The following UPK1B variants were observed in gnomAD, a reference collection of about 807,000 sequenced individuals.
UPK1B encodes the protein uroplakin 1B.
UPK1B carries 28 observed loss-of-function variants against 34.2 expected under a neutral mutation model. The observed-to-expected ratio is 0.82, with a 90% confidence interval of 0.61 to 1.12. The LOEUF is 1.12. UPK1B is among the 50% of genes most tolerant of loss of function. The pLI, the probability that UPK1B is intolerant of heterozygous loss-of-function variation, is 0.00. For missense variants in UPK1B, 325 were observed against 320.9 expected (o/e 1.01, Z -0.10); for synonymous variants, 81 against 110.4 (o/e 0.73, Z 1.67).
intron 6 of UPK1B, 60 bp from the exon 7 acceptor site, chr3:119,198,997 C>CA: frequency 6.3e-7 from 1 of 1,583,502 alleles, no homozygotes; most frequent in Non-Finnish European, 8.7e-7. Context: ...GCTTTCCCAT[C>CA]AATCTCTTCT....
intron 6 of UPK1B, among the ~76,000 whole-genome samples, chr3:119,196,743 T>C (rs1376914774): frequency 2.0e-5 from 3 of 152,064 alleles, no homozygotes; most frequent in Non-Finnish European, 4.4e-5. Context: ...TTTCACCATG[T>C]TGGCCAGGAT....
Position 119,174,650 on chromosome 3 carries a change from G to A in UPK1B, c.-29+1012G>A, listed in dbSNP as rs116157120. On this transcript the variant is annotated intron_variant, in intron 1 of 7. Transcript: ENST00000264234. ...ATGTCTTCTTTTAATGAAAGACAACGTTTCTTGAACATTTCTTGCCTGAGT... is the reference window on the plus strand; with the variant it reads ...ATGTCTTCTTTTAATGAAAGACAACATTTCTTGAACATTTCTTGCCTGAGT... 8.9e-3 allele frequency among the ~76,000 whole-genome samples: 1,362 copies of A among 152,246 alleles called. 17 individuals carry two copies. The highest frequency in any genetic ancestry group is 0.058 in the Middle Eastern group (17 of 294).
intron 1 of UPK1B, among the ~76,000 whole-genome samples, chr3:119,183,178 C>A (rs938337718): frequency 6.6e-6 from 1 of 152,034 alleles, no homozygotes; most frequent in African/African-American, 2.4e-5. Context: ...AATGATCTGG[C>A]GCCAGGCAGA....
At chr3:119,199,018 GTTC>G in intron 6 of UPK1B, 36 bp from the exon 7 acceptor site, 1 of 1,609,662 alleles carries the variant, frequency 6.2e-7, no homozygotes, top group Middle Eastern at 1.7e-4. Flanking sequence ...CTGCTTTCTG[GTTC>G]TTCTCACACT....
intron 7 of UPK1B, among the ~76,000 whole-genome samples, chr3:119,201,637 T>C (rs1003819414): frequency 2.0e-5 from 3 of 152,278 alleles, no homozygotes; most frequent in African/African-American, 7.2e-5. Context: ...ACCATATCAC[T>C]ATGCTTTAAG....
intron 1 of UPK1B, among the ~76,000 whole-genome samples, chr3:119,176,702 CA>C (rs2077958603): frequency 6.6e-6 from 1 of 152,190 alleles, no homozygotes; most frequent in Non-Finnish European, 1.5e-5. Flanking sequence ...CTCTGCCTTC[CA>C]CCGCTTTCCA....
chr3:119,195,137 C>T (rs1322444757), intron 6 of UPK1B, among the ~76,000 whole-genome samples: 2 of 152,208 alleles, frequency 1.3e-5, no homozygotes, highest in South Asian at 2.1e-4. Context: ...AGTAAATGTC[C>T]GTCTTTTCAA....
chr3:119,202,819 GA>G (rs1310510515), intron 7 of UPK1B, among the ~76,000 whole-genome samples: 1 of 152,176 alleles, frequency 6.6e-6, no homozygotes, highest in East Asian at 1.9e-4. Context: ...GTACATACTA[GA>G]AACAGGAAGG....
At chr3:119,175,821 G>A (rs1167233043) in intron 1 of UPK1B, among the ~76,000 whole-genome samples, 1 of 152,152 alleles carries the variant, frequency 6.6e-6, no homozygotes, top group African/African-American at 2.4e-5. Context: ...GAGCAACTGA[G>A]GAACTGATTT....
At chr3:119,194,117 T>C (rs749777439) in intron 5 of UPK1B, 102 bp from the exon 6 acceptor site, 90 of 1,151,392 alleles carry the variant, frequency 7.8e-5, no homozygotes, top group Non-Finnish European at 1.0e-4. Context: ...TAAGATATGG[T>C]ACACTTTCCG....
At chr3:119,203,198 G>A (rs1019874787) in intron 7 of UPK1B, among the ~76,000 whole-genome samples, 1 of 151,588 alleles carries the variant, frequency 6.6e-6, no homozygotes, top group Non-Finnish European at 1.5e-5. Flanking sequence ...AAAATTAGCC[G>A]GGCATGGTGG....
intron 1 of UPK1B, among the ~76,000 whole-genome samples, chr3:119,181,074 G>T (rs1277595523): frequency 6.6e-6 from 1 of 152,154 alleles, no homozygotes; most frequent in African/African-American, 2.4e-5. Context: ...ACTGTCTTCT[G>T]AGCTCAGTAA....
chr3:119,198,100 A>G lies in UPK1B; in HGVS notation c.649-957A>G, dbSNP rs1299527589. ...GCTGGAGTCCCCCACCCCCACCCTC[A>G]CACACAAATTATAGGGAAGGATCCT... On this transcript the variant is annotated intron_variant, in intron 6 of 7. Coordinates refer to ENST00000264234, the MANE Select transcript of UPK1B (RefSeq NM_006952.4). Among the ~76,000 whole-genome samples, 3 of 56,916 alleles carry G rather than the reference A, an allele frequency of 5.3e-5. No individual in the cohort carries two copies. In the South Asian group the frequency reaches 2.3e-3, roughly 43 times the overall value. 37.3% of individuals were successfully genotyped at this position (56,916 alleles called of 152,430 possible).
chr3:119,199,573 T>G (rs1001692704), intron 7 of UPK1B, among the ~76,000 whole-genome samples: 7 of 152,274 alleles, frequency 4.6e-5, no homozygotes, highest in Non-Finnish European at 7.3e-5. Flanking sequence ...AGATTCATCC[T>G]TTCCTACTGC....
intron 1 of UPK1B, among the ~76,000 whole-genome samples, chr3:119,175,007 ATTTTCTTTTT>A (rs1319268073): frequency 0.026 from 1,040 of 39,702 alleles, 26 homozygotes; most frequent in African/African-American, 0.078. Context: ...TTTTTCTTTT[ATTTTCTTTTT>A]TTTTTTTTTT....
At position 119,187,918 on chromosome 3, in the gene UPK1B, C is replaced by A. The variant is rs957304331; in HGVS notation, c.213C>A (p.Cys71Ter). ...IGIFVGICLF[C>*]LSVLGIVGIM... is the part of the protein sequence containing the mutation. ...TATTTGTGGGCATCTGCCTCTTCTG[C>A]CTGTCTGTTCTAGGCATTGTAGGCA... The change falls in exon 3 of 8, where the codon TGC becomes TGA. Residue 71 changes from cysteine to a stop codon, truncating the protein, a stop_gained. Transcript: ENST00000264234. LOFTEE classifies it high-confidence loss of function. 5 of 1,614,072 alleles carry A rather than the reference C, an allele frequency of 3.1e-6. No individual in the cohort carries two copies. The highest frequency in any genetic ancestry group is 4.2e-6 in the Non-Finnish European group (5 of 1,180,016).
intron 5 of UPK1B, among the ~76,000 whole-genome samples, chr3:119,193,470 A>T (rs1258320197): frequency 6.6e-6 from 1 of 152,206 alleles, no homozygotes; most frequent in Non-Finnish European, 1.5e-5. Flanking sequence ...GGAAAGCTAT[A>T]TGAATTGTGT....
At chr3:119,179,505 G>GTTTTTTTT (rs1293357139) in intron 1 of UPK1B, among the ~76,000 whole-genome samples, 17 of 45,236 alleles carry the variant, frequency 3.8e-4, no homozygotes, top group East Asian at 8.3e-4. Flanking sequence ...TGATGTTGCA[G>GTTTTTTTT]TCTTTTTTTT....
At position 119,187,833 on chromosome 3, in the gene UPK1B, T is replaced by C. The variant is rs770126357; in HGVS notation, c.128T>C (p.Leu43Pro). Residue 43 changes from leucine (L) to proline (P), a missense_variant, in exon 3 of 8, where the codon CTC becomes CCC. Leu to Pro is a moderately conservative substitution (Grantham distance 98). Transcript: ENST00000264234. ...CIFFVSDQHS[L>P]YPLLEATDND... Reference sequence around the variant, plus strand: ...TTCTTTGTATCTGACCAACACAGCCTCTACCCACTGCTTGAAGCCACCGAC... The same window carrying C: ...TTCTTTGTATCTGACCAACACAGCCCCTACCCACTGCTTGAAGCCACCGAC... 4 of 1,613,744 alleles carry C rather than the reference T, an allele frequency of 2.5e-6. No homozygotes were observed. Among genetic ancestry groups the C allele is most frequent in the Non-Finnish European group, 3.4e-6 (4 of 1,179,936 alleles).
Sources: gnomAD v4.1 joint callset for allele counts (sites outside exome capture counted in the v4.1 genomes callset) on GRCh38, gnomAD v4.1.1 for gene constraint, MANE v1.5 for transcripts, NCBI Gene and HGNC (gene_info 2026-07-23, HGNC 2026-07-21) for gene names.